ZNF3: variants seen among roughly 807,000 people sequenced by gnomAD.
The protein encoded by ZNF3 is C2-H2 type zinc finger protein.
Under a neutral mutation model 36.9 loss-of-function variants are expected in ZNF3, and 16 were observed. The ratio of observed to expected loss-of-function variants is 0.43; its 90% CI spans 0.29 to 0.66. The LOEUF is 0.66. ZNF3 is among the 30% of genes least tolerant of loss of function. ZNF3 has a pLI of 0.13. For synonymous variants in ZNF3, 201 were observed against 201.9 expected (o/e 1.00, Z 0.04); for missense variants, 462 against 543.1 (o/e 0.85, Z 1.48).
At position 100,077,157 on chromosome 7, in the gene ZNF3, C is replaced by G. The variant is rs564292439; in HGVS notation, c.55+146G>C. On this transcript the variant is annotated intron_variant, in intron 3 of 5. Coordinates refer to ENST00000299667, the MANE Select transcript of ZNF3 (RefSeq NM_032924.5). The stretch of plus-strand genomic sequence containing the variant: ...GATTACTGTTCGGTCAGCTTCCCCA[C>G]TAGGCTGTGAGTTACTGAATGGCGA... 7 of 902,312 alleles carry G rather than the reference C, an allele frequency of 7.8e-6. No individual in the cohort carries two copies. The South Asian group carries it at 1.1e-4, about 14-fold the overall frequency. 55.9% of individuals were successfully genotyped at this position (902,312 alleles called of 1,614,324 possible).
chr7:100,068,106 CGA>C (rs1229708230), downstream of ZNF3, among the ~76,000 whole-genome samples: 8 of 151,894 alleles, frequency 5.3e-5, no homozygotes, highest in African/African-American at 1.5e-4. Flanking sequence ...TCTTCTTCTT[CGA>C]GACAGTCTCG....
In ZNF3 at chr7:100,081,430, C is replaced by A. The variant is rs890810566; in HGVS notation, c.-198+205G>T. On this transcript the variant is annotated intron_variant, in intron 1 of 5. Transcript: ENST00000299667. This position sits in a 1 kb window ranked among gnomAD's most constrained non-coding sequence, Gnocchi z 4.3. The stretch of plus-strand genomic sequence containing the variant: ...ACCAGAACCGGAGCCCCATTACTAA[C>A]CCCTACGCAGGATCCCGCTAGGCTA... Among the ~76,000 whole-genome samples, 1 of 152,224 alleles carries A rather than the reference C, an allele frequency of 6.6e-6. No individual in the cohort carries two copies. The highest frequency in any genetic ancestry group is 6.5e-5 in the Admixed American group (1 of 15,286).
intron 1 of ZNF3, among the ~76,000 whole-genome samples, chr7:100,080,601 C>G (rs1447091670): frequency 6.6e-6 from 1 of 151,828 alleles, no homozygotes; most frequent in Non-Finnish European, 1.5e-5. Context: ...CACTTGAGGC[C>G]AGGAGTTGCA....
rs780558279 is a variant in ZNF3, at chr7:100,075,653, A to C, written c.56-23T>G. ...GAGCTGAAGGGCAATAAAAGGGCCC[A>C]GGAATGAGTCCATCTGCTCTGTGAC... is the stretch of plus-strand genomic sequence containing the variant. On this transcript the variant is annotated intron_variant, in intron 3 of 5. Coordinates refer to ENST00000299667, the MANE Select transcript of ZNF3 (RefSeq NM_032924.5). 216 of 1,611,832 alleles carry C rather than the reference A, an allele frequency of 1.3e-4. 1 individual carries two copies. The highest frequency in any genetic ancestry group is 1.7e-5 in the Admixed American group (1 of 59,884).
rs1352545687 is a variant in ZNF3 at position 100,081,299 on chromosome 7, T to C, written c.-198+336A>G. On this transcript the variant is annotated intron_variant, in intron 1 of 5. Transcript: ENST00000299667. This position sits in a 1 kb window ranked among gnomAD's most constrained non-coding sequence, Gnocchi z 4.3. ...ATCAAATAAAAACGTCTGGGAGAAA[T>C]ACCAAGTTAGGGTCGCTGTCATTAG... Among the ~76,000 whole-genome samples, 1 of 152,164 alleles carries C rather than the reference T, an allele frequency of 6.6e-6. No homozygotes were observed. The highest frequency in any genetic ancestry group is 1.5e-5 in the Non-Finnish European group (1 of 68,036).
chr7:100,067,325 G>A (rs1273677408), downstream of ZNF3, among the ~76,000 whole-genome samples: 1 of 152,138 alleles, frequency 6.6e-6, no homozygotes, highest in Non-Finnish European at 1.5e-5. Context: ...CAGATCTCGT[G>A]TAAGAAATTC....
intron 2 of ZNF3, chr7:100,077,769 A>T (rs1313585500): frequency 6.3e-6 from 1 of 157,968 alleles, no homozygotes; most frequent in African/African-American, 2.4e-5. Context: ...CACTCTTGTC[A>T]CCCAGGCTGG....
downstream of ZNF3, among the ~76,000 whole-genome samples, chr7:100,067,020 GTGT>G (rs1434710256): frequency 5.4e-3 from 818 of 151,608 alleles, 9 homozygotes; most frequent in African/African-American, 0.019. Context: ...GGGTGACAGA[GTGT>G]CAAGATTCCA....
chr7:100,082,019 T>TGGGGGCG, upstream of ZNF3, among the ~76,000 whole-genome samples: 1 of 152,070 alleles, frequency 6.6e-6, no homozygotes, highest in African/African-American at 2.4e-5. Context: ...TCGCCGGCCT[T>TGGGGGCG]GGGGGCGGGC....
chr7:100,068,897 A>G (rs1792782570), downstream of ZNF3, among the ~76,000 whole-genome samples: 1 of 151,710 alleles, frequency 6.6e-6, no homozygotes, highest in African/African-American at 2.4e-5. Flanking sequence ...GTTCACCGCA[A>G]CCACTGCCAC....
intron 4 of ZNF3, 96 bp from the exon 5 acceptor site, chr7:100,075,357 GGGAAGGGA>G (rs751417611): frequency 1.7e-5 from 27 of 1,602,920 alleles, no homozygotes; most frequent in Middle Eastern, 3.3e-4. Context: ...ATGCACATTT[GGGAAGGGA>G]GGAAGGGAGG....
At position 100,071,765 on chromosome 7, in the gene ZNF3, C is replaced by T. The variant is rs1793194683; in HGVS notation, c.719G>A (p.Ser240Asn). 1 of 1,614,004 alleles carries T rather than the reference C, an allele frequency of 6.2e-7. No homozygotes were observed. The highest frequency in any genetic ancestry group is 8.5e-7 in the Non-Finnish European group (1 of 1,179,938). Residue 240 changes from serine (S) to asparagine (N), a missense_variant, in exon 6 of 6, where the codon AGC (serine) becomes AAC (asparagine). Transcript: ENST00000299667. Reference sequence around the variant, plus strand: ...TCTCTGATGCTGAATAAGGTGTGAGCTCTGGCTGAAGGCCTTCCCACACTC... The same window carrying T: ...TCTCTGATGCTGAATAAGGTGTGAGTTCTGGCTGAAGGCCTTCCCACACTC... ...CNECGKAFSQ[S>N]SHLIQHQRIH... is the part of the protein sequence containing the mutation.
chr7:100,064,744 C>T (rs762857335), exon 6 of ZNF3: 1 of 1,613,928 alleles, frequency 6.2e-7, no homozygotes, highest in East Asian at 2.2e-5. Flanking sequence ...CAGGGGATGC[C>T]TGAGGAGTGC....
exon 6 of ZNF3, chr7:100,064,454 A>T (rs1562851838): frequency 6.2e-7 from 1 of 1,614,078 alleles, no homozygotes; most frequent in East Asian, 2.2e-5. Flanking sequence ...AAGTGTAAGG[A>T]GTGTGGGAAA....
chr7:100,072,420 C>T (rs1793339379), intron 5 of ZNF3, among the ~76,000 whole-genome samples: 1 of 152,108 alleles, frequency 6.6e-6, no homozygotes, highest in Non-Finnish European at 1.5e-5. Context: ...CCAAGGAGAA[C>T]AGAGCTGGAA....
downstream of ZNF3, among the ~76,000 whole-genome samples, chr7:100,068,964 G>A (rs1002901123): frequency 4.0e-5 from 6 of 151,766 alleles, no homozygotes; most frequent in Middle Eastern, 3.4e-3. Flanking sequence ...TTACAGGCAC[G>A]TGCCACCACA....
intron 1 of ZNF3, among the ~76,000 whole-genome samples, chr7:100,080,547 A>G (rs1794833515): frequency 6.6e-6 from 1 of 151,300 alleles, no homozygotes; most frequent in Non-Finnish European, 1.5e-5. Context: ...CGCGGTGGCT[A>G]ACGCCTGTAA....
intron 3 of ZNF3, among the ~76,000 whole-genome samples, chr7:100,075,885 T>A (rs1000146276): frequency 6.6e-6 from 1 of 152,216 alleles, no homozygotes; most frequent in Non-Finnish European, 1.5e-5. Context: ...CCAGGTCCCC[T>A]CTTCTCTCCA....
intron 2 of ZNF3, among the ~76,000 whole-genome samples, chr7:100,078,477 TAGAC>T (rs1309440133): frequency 2.3e-5 from 3 of 131,458 alleles, no homozygotes; most frequent in Non-Finnish European, 3.2e-5. Context: ...GTCTGGGCAA[TAGAC>T]AGAGACTCTG....
Sources: allele counts gnomAD v4.1 joint callset (sites outside exome capture counted in the v4.1 genomes callset), GRCh38; gene constraint gnomAD v4.1.1; non-coding constraint Gnocchi (gnomAD v3.1); transcripts MANE v1.5; gene names NCBI Gene and HGNC (gene_info 2026-07-23, HGNC 2026-07-21).